Variants in HS3ST5 observed in about 807,000 individuals in gnomAD.
The protein encoded by HS3ST5 is heparan sulfate glucosamine 3-O-sulfotransferase 5.
HS3ST5 carries 10 observed loss-of-function variants against 25.4 expected under a neutral mutation model. That is an observed-to-expected ratio of 0.39 (90% CI 0.24 to 0.67). The LOEUF is 0.67. HS3ST5 is among the 30% of genes least tolerant of loss of function. The probability of loss-of-function intolerance (pLI) is 0.44; values close to 1 mark genes in which losing one functional copy is unlikely to be tolerated. For missense variants in HS3ST5, 324 were observed against 420.7 expected (o/e 0.77, Z 2.01); for synonymous variants, 170 against 162.4 (o/e 1.05, Z -0.36).
intron 1 of HS3ST5, among the ~76,000 whole-genome samples, chr6:114,244,918 T>C (rs568469559): frequency 6.6e-6 from 1 of 152,314 alleles, no homozygotes; most frequent in Admixed American, 6.5e-5. Context: ...ACAGCAGATG[T>C]ATACCCACAA....
intron 2 of HS3ST5, among the ~76,000 whole-genome samples, chr6:114,193,151 A>G (rs1430378953): frequency 6.6e-6 from 1 of 152,200 alleles, no homozygotes; most frequent in Non-Finnish European, 1.5e-5. Flanking sequence ...GCAAACTTCT[A>G]TTAATCACTA....
chr6:114,278,686 A>G (rs1156901490), intron 1 of HS3ST5, among the ~76,000 whole-genome samples: 2 of 152,032 alleles, frequency 1.3e-5, no homozygotes, highest in South Asian at 2.1e-4. Context: ...GAGGAAGCAC[A>G]CTGCTGAAGT....
At chr6:114,116,389 T>C in intron 3 of HS3ST5, among the ~76,000 whole-genome samples, 1 of 152,038 alleles carries the variant, frequency 6.6e-6, no homozygotes, top group East Asian at 1.9e-4. Context: ...CCAGTTCTAG[T>C]TTGCCTAGGT....
At chr6:114,254,131 G>T (rs549584360) in intron 1 of HS3ST5, among the ~76,000 whole-genome samples, 1 of 152,302 alleles carries the variant, frequency 6.6e-6, no homozygotes, top group East Asian at 1.9e-4. Context: ...TGAGCTCTGT[G>T]TCCTGGAAAA....
intron 3 of HS3ST5, among the ~76,000 whole-genome samples, chr6:114,088,395 C>CTT (rs147003711): frequency 2.1e-5 from 3 of 143,228 alleles, no homozygotes; most frequent in African/African-American, 2.6e-5. Context: ...ATGATCTTCT[C>CTT]TTTTTTTTTT....
chr6:114,200,509 A>G (rs527689807), intron 2 of HS3ST5, among the ~76,000 whole-genome samples: 13 of 152,322 alleles, frequency 8.5e-5, no homozygotes, highest in African/African-American at 2.9e-4. Flanking sequence ...ATGCATATTC[A>G]ATAATAAAAG....
intron 3 of HS3ST5, chr6:114,143,006 A>G (rs999860181): frequency 6.6e-6 from 1 of 152,218 alleles, no homozygotes; most frequent in Non-Finnish European, 1.5e-5. Context: ...GGGGTAACTT[A>G]GACTAAACAC....
Position 114,291,319 on chromosome 6 carries a change from A to G in HS3ST5, c.-339+50876T>C, listed in dbSNP as rs1365532730. Reference sequence around the variant, plus strand: ...TGAAGAGAGTTTTTGTTTTGTATTCATACTAACAGTAATGTAGCACACCTA... The same window carrying G: ...TGAAGAGAGTTTTTGTTTTGTATTCGTACTAACAGTAATGTAGCACACCTA... On this transcript the variant is annotated intron_variant, in intron 1 of 4. Coordinates refer to ENST00000312719, the MANE Select transcript of HS3ST5 (RefSeq NM_153612.4). 2.0e-5 allele frequency among the ~76,000 whole-genome samples: 3 copies of G among 152,088 alleles called. No homozygotes were observed. The East Asian group carries it at 5.8e-4, about 29-fold the overall frequency.
chr6:114,149,548 A>C (rs1050924195), intron 3 of HS3ST5, among the ~76,000 whole-genome samples: 1 of 151,966 alleles, frequency 6.6e-6, no homozygotes, highest in African/African-American at 2.4e-5. Context: ...ACATAGACAC[A>C]GGGAGGGGAA....
chr6:114,297,833 T>C (rs918753321), intron 1 of HS3ST5, among the ~76,000 whole-genome samples: 9 of 152,224 alleles, frequency 5.9e-5, no homozygotes, highest in Non-Finnish European at 2.9e-5. Context: ...AAATGACTAA[T>C]AGCCAATGAA....
chr6:114,319,810 T>G (rs1775889108), intron 1 of HS3ST5, among the ~76,000 whole-genome samples: 1 of 152,134 alleles, frequency 6.6e-6, no homozygotes, highest in African/African-American at 2.4e-5. Flanking sequence ...ACATACTTTA[T>G]TCCTTTGCAT....
intron 2 of HS3ST5, among the ~76,000 whole-genome samples, chr6:114,187,715 G>A (rs1780292208): frequency 6.6e-6 from 1 of 152,172 alleles, no homozygotes; most frequent in African/African-American, 2.4e-5. Flanking sequence ...TTTGAAAGAA[G>A]TTCTACCCTG....
At chr6:114,068,213 G>A (rs530794705) in intron 3 of HS3ST5, among the ~76,000 whole-genome samples, 2 of 151,980 alleles carry the variant, frequency 1.3e-5, no homozygotes, top group Admixed American at 6.6e-5. Context: ...GCAAGATGGC[G>A]CATGCATACA....
chr6:114,339,664 AAGCC>A, intron 1 of HS3ST5, among the ~76,000 whole-genome samples: 1 of 152,316 alleles, frequency 6.6e-6, no homozygotes, highest in East Asian at 1.9e-4. Context: ...CACACACAGA[AAGCC>A]AGAGCTAGAA....
At chr6:114,200,036 C>G (rs568638877) in intron 2 of HS3ST5, among the ~76,000 whole-genome samples, 2 of 152,226 alleles carry the variant, frequency 1.3e-5, no homozygotes, top group South Asian at 4.2e-4. Flanking sequence ...GCCTGACCAA[C>G]ATAGTGAAAC....
intron 3 of HS3ST5, among the ~76,000 whole-genome samples, chr6:114,101,405 C>T (rs922250812): frequency 1.3e-5 from 2 of 152,128 alleles, no homozygotes; most frequent in Non-Finnish European, 2.9e-5. Context: ...ATGTTATTCT[C>T]CTCACATGCT....
chr6:114,067,176 G>A (rs775321528), intron 3 of HS3ST5, among the ~76,000 whole-genome samples: 9 of 152,100 alleles, frequency 5.9e-5, no homozygotes, highest in Non-Finnish European at 1.0e-4. Context: ...TCTTGATCTC[G>A]GTGGATGTGG....
intron 1 of HS3ST5, among the ~76,000 whole-genome samples, chr6:114,304,236 C>T (rs1775199125): frequency 6.6e-6 from 1 of 152,072 alleles, no homozygotes; most frequent in African/African-American, 2.4e-5. Flanking sequence ...TATATGGTAT[C>T]ATATATTAAG....
At chr6:114,215,031 C>T (rs1053624462) in intron 2 of HS3ST5, among the ~76,000 whole-genome samples, 7 of 152,114 alleles carry the variant, frequency 4.6e-5, no homozygotes, top group Admixed American at 2.0e-4. Flanking sequence ...CAGGGCCAGG[C>T]GCGGTGGCTC....
Sources: allele counts gnomAD v4.1 joint callset (sites outside exome capture counted in the v4.1 genomes callset), GRCh38; gene constraint gnomAD v4.1.1; transcripts MANE v1.5; gene names NCBI Gene and HGNC (gene_info 2026-07-23, HGNC 2026-07-21).